PLEKHA6: variants seen among roughly 807,000 people sequenced by gnomAD.
The protein encoded by PLEKHA6 is pleckstrin homology domain containing A6.
A neutral mutation model predicts 116.7 loss-of-function variants in PLEKHA6; 60 were observed. That is an observed-to-expected ratio of 0.51 (90% CI 0.42 to 0.64). PLEKHA6 has a LOEUF of 0.64. PLEKHA6 is among the 30% of genes least tolerant of loss of function. PLEKHA6 has a pLI of 0.00. For synonymous variants in PLEKHA6, 489 were observed against 556.1 expected (o/e 0.88, Z 1.70); for missense variants, 1,338 against 1,422.7 (o/e 0.94, Z 0.96).
At chr1:204,282,753 G>A (rs1668757809) in intron 1 of PLEKHA6, 2 of 985,310 alleles carry the variant, frequency 2.0e-6, no homozygotes, top group African/African-American at 1.7e-5. Flanking sequence ...TGGAGAACTG[G>A]GGCAATCCAG....
At chr1:204,280,901 T>C (rs1401654975) in intron 1 of PLEKHA6, 7 of 436,252 alleles carry the variant, frequency 1.6e-5, no homozygotes, top group African/African-American at 2.1e-5. Flanking sequence ...AAATACACTT[T>C]CCTAGCCACT....
chr1:204,268,765 C>T (rs894922520), intron 3 of PLEKHA6, among the ~76,000 whole-genome samples: 22 of 152,070 alleles, frequency 1.4e-4, no homozygotes, highest in African/African-American at 4.6e-4. Context: ...GGAGGAGAGA[C>T]GGGTGTTCTC....
At chr1:204,322,775 G>T (rs1413565154) in intron 1 of PLEKHA6, among the ~76,000 whole-genome samples, 4 of 152,148 alleles carry the variant, frequency 2.6e-5, no homozygotes, top group African/African-American at 9.7e-5. Flanking sequence ...CCCAATTGTA[G>T]CTACTGCCCA....
intron 17 of PLEKHA6, among the ~76,000 whole-genome samples, chr1:204,233,819 C>A (rs1661566259): frequency 1.3e-5 from 2 of 152,034 alleles, no homozygotes; most frequent in Admixed American, 1.3e-4. Flanking sequence ...GAGTTTCATG[C>A]ATACCAGATG....
Position 204,254,334 on chromosome 1 carries a change from G to A in PLEKHA6, c.1524+3019C>T, listed in dbSNP as rs368393477. 1.7e-4 allele frequency among the ~76,000 whole-genome samples: 26 copies of A among 152,344 alleles called. No homozygotes were observed. In the South Asian group the frequency reaches 4.3e-3, roughly 25 times the overall value. ...TGGACATTGGTGCTTCCTAGTGCCT[G>A]AGGCCTATTACAAAATCGAATTGCG... On this transcript the variant is annotated intron_variant, in intron 9 of 22. Coordinates refer to ENST00000272203, the MANE Select transcript of PLEKHA6 (RefSeq NM_014935.5).
chr1:204,363,516 C>T (rs924731779), upstream of PLEKHA6, among the ~76,000 whole-genome samples: 1 of 152,176 alleles, frequency 6.6e-6, no homozygotes, highest in Non-Finnish European at 1.5e-5. Flanking sequence ...AGCGTCCTGC[C>T]ACGTCTCCCT....
At chr1:204,272,592 A>G (rs563926224) in intron 3 of PLEKHA6, among the ~76,000 whole-genome samples, 18 of 152,202 alleles carry the variant, frequency 1.2e-4, no homozygotes, top group Admixed American at 7.2e-4. Flanking sequence ...ATAAAACAAG[A>G]CAACCGGAGC....
intron 1 of PLEKHA6, among the ~76,000 whole-genome samples, chr1:204,285,927 G>A (rs1669121474): frequency 6.6e-6 from 1 of 152,150 alleles, no homozygotes; most frequent in Non-Finnish European, 1.5e-5. Context: ...GCTGACGCTT[G>A]GGGGAGGAGG....
intron 1 of PLEKHA6, among the ~76,000 whole-genome samples, chr1:204,287,764 C>T (rs185688782): frequency 2.4e-4 from 37 of 152,230 alleles, no homozygotes; most frequent in African/African-American, 6.5e-4. Flanking sequence ...AGCTACCGAG[C>T]GCCTCTCTGG....
intron 17 of PLEKHA6, among the ~76,000 whole-genome samples, chr1:204,231,963 G>A (rs532140546): frequency 1.3e-4 from 20 of 152,134 alleles, no homozygotes; most frequent in South Asian, 1.0e-3. Context: ...CCATGGATGC[G>A]GAACCCGGAG....
chr1:204,340,534 C>T (rs1167896336), intron 1 of PLEKHA6, among the ~76,000 whole-genome samples: 9 of 152,146 alleles, frequency 5.9e-5, no homozygotes, highest in African/African-American at 2.2e-4. Context: ...ACCAGGCAAG[C>T]GATGCTCAAA....
intron 3 of PLEKHA6, 136 bp downstream of exon 3, chr1:204,273,489 CT>C: frequency 1.5e-6 from 1 of 662,202 alleles, no homozygotes; most frequent in Non-Finnish European, 2.7e-6. Context: ...CACTCTCTTC[CT>C]GGGTCACCTT....
Position 204,259,533 on chromosome 1 carries a change from C to G in PLEKHA6, c.732G>C (p.Glu244Asp). ...VKANGLPAGP[E>D]PASEPGSPYP... Reference sequence around the variant, plus strand: ...AAGGGCTGCCCGGCTCTGAGGCTGGCTCCGGTCCAGCTGGGAGGCCATTGG... The same window carrying G: ...AAGGGCTGCCCGGCTCTGAGGCTGGGTCCGGTCCAGCTGGGAGGCCATTGG... The change falls in exon 8 of 23, where the codon GAG (glutamate) becomes GAC (aspartate). Residue 244 changes from glutamate to aspartate, a missense_variant. By Grantham distance (45) the Glu-to-Asp change is conservative. Coordinates refer to ENST00000272203, the MANE Select transcript of PLEKHA6 (RefSeq NM_014935.5). This position sits in a 1 kb window ranked among gnomAD's most constrained non-coding sequence, Gnocchi z 4.6. 6.2e-7 allele frequency: 1 copy of G among 1,614,126 alleles called. No individual in the cohort carries two copies. Among genetic ancestry groups the G allele is most frequent in the Non-Finnish European group, 8.5e-7 (1 of 1,180,010 alleles).
chr1:204,251,452 TCCTA>T, intron 9 of PLEKHA6: 1 of 676,224 alleles, frequency 1.5e-6, no homozygotes. Flanking sequence ...GTGAGCCTCA[TCCTA>T]GATGGGCAAC....
At chr1:204,342,080 G>C (rs1672866310) in intron 1 of PLEKHA6, among the ~76,000 whole-genome samples, 1 of 152,204 alleles carries the variant, frequency 6.6e-6, no homozygotes, top group Non-Finnish European at 1.5e-5. Context: ...AGCTACTCGG[G>C]AGGCTGAGGC....
At chr1:204,248,175 T>TTTTTTA (rs1664032095) in intron 12 of PLEKHA6, among the ~76,000 whole-genome samples, 1 of 147,722 alleles carries the variant, frequency 6.8e-6, no homozygotes, top group African/African-American at 2.6e-5. Context: ...TTTTTTTTTT[T>TTTTTTA]GAGATGGAGT....
intron 1 of PLEKHA6, among the ~76,000 whole-genome samples, chr1:204,324,178 T>C (rs761639575): frequency 5.3e-5 from 8 of 152,092 alleles, no homozygotes; most frequent in South Asian, 2.1e-4. Flanking sequence ...GGAGCCCTCT[T>C]TGGGGTCCAC....
chr1:204,327,262 T>C (rs1017859085), intron 1 of PLEKHA6, among the ~76,000 whole-genome samples: 8 of 152,226 alleles, frequency 5.3e-5, no homozygotes, highest in Non-Finnish European at 8.8e-5. Context: ...GCTTCCTGCT[T>C]GTTTGTCCTT....
chr1:204,255,802 C>A (rs1311488244), intron 9 of PLEKHA6: 1 of 652,876 alleles, frequency 1.5e-6, no homozygotes, highest in African/African-American at 1.8e-5. Flanking sequence ...GGAGAGGCTT[C>A]TCCCTCTGCC....
Sources: allele counts gnomAD v4.1 joint callset (sites outside exome capture counted in the v4.1 genomes callset), GRCh38; gene constraint gnomAD v4.1.1; non-coding constraint Gnocchi (gnomAD v3.1); transcripts MANE v1.5; gene names NCBI Gene and HGNC (gene_info 2026-07-23, HGNC 2026-07-21).